The following TULP4 variants were observed in gnomAD, a reference collection of about 807,000 sequenced individuals.
The protein encoded by TULP4 is TUB like protein 4.
TULP4 carries 16 observed loss-of-function variants against 129.0 expected under a neutral mutation model. The ratio of observed to expected loss-of-function variants is 0.12; its 90% CI spans 0.08 to 0.19. The LOEUF (loss-of-function observed/expected upper bound fraction) is 0.19, where lower values mean the gene tolerates loss of function less well. Ranked by LOEUF, TULP4 falls within the 10% of genes least tolerant of loss-of-function variation. TULP4 has a pLI of 1.00. For synonymous variants in TULP4, 998 were observed against 854.0 expected (o/e 1.17, Z -2.94); for missense variants, 1,842 against 2,059.1 (o/e 0.89, Z 2.04).
chr6:158,461,095 T>C (rs1409380429), intron 5 of TULP4, among the ~76,000 whole-genome samples: 8 of 152,078 alleles, frequency 5.3e-5, no homozygotes, highest in Admixed American at 5.2e-4. Flanking sequence ...TTCAGAGAAA[T>C]TGGTTGTATT....
intron 1 of TULP4, among the ~76,000 whole-genome samples, chr6:158,343,134 C>T (rs536206379): frequency 6.6e-6 from 1 of 151,966 alleles, no homozygotes; most frequent in African/African-American, 2.4e-5. Flanking sequence ...GCTTGGAGCC[C>T]TGTGTGAGCG....
At chr6:158,422,221 G>A (rs341143) in intron 2 of TULP4, among the ~76,000 whole-genome samples, 41,982 of 152,018 alleles carry the variant, frequency 0.28, 6,447 homozygotes, top group Middle Eastern at 0.35. Context: ...AAAATAGACA[G>A]ATGTCTTGCA....
At chr6:158,251,447 T>G (rs1778137059) in intron 1 of TULP4, among the ~76,000 whole-genome samples, 1 of 146,898 alleles carries the variant, frequency 6.8e-6, no homozygotes, top group African/African-American at 2.4e-5. Context: ...GATTCTAACT[T>G]AGACTTAATA....
intron 1 of TULP4, among the ~76,000 whole-genome samples, chr6:158,348,259 G>A (rs1263544534): frequency 3.3e-5 from 5 of 150,214 alleles, no homozygotes; most frequent in Non-Finnish European, 4.4e-5. Flanking sequence ...TAATAGTGGA[G>A]AGAAGGTCAG....
intron 1 of TULP4, among the ~76,000 whole-genome samples, chr6:158,292,584 G>T (rs1049041005): frequency 1.3e-5 from 2 of 152,124 alleles, no homozygotes; most frequent in African/African-American, 4.8e-5. Flanking sequence ...TACTTCCTGA[G>T]AACGTCTTTT....
At chr6:158,457,627 G>A (rs550955473) in intron 5 of TULP4, among the ~76,000 whole-genome samples, 1 of 152,164 alleles carries the variant, frequency 6.6e-6, no homozygotes, top group African/African-American at 2.4e-5. Context: ...GCCCAAGCCA[G>A]TTCATCCCTC....
intron 1 of TULP4, among the ~76,000 whole-genome samples, chr6:158,255,258 T>C (rs1347863707): frequency 6.6e-6 from 1 of 152,176 alleles, no homozygotes; most frequent in Non-Finnish European, 1.5e-5. Flanking sequence ...GTACCCTAAA[T>C]TGATAACCGG....
intron 1 of TULP4, among the ~76,000 whole-genome samples, chr6:158,306,982 C>T (rs1366869665): frequency 6.6e-6 from 1 of 152,138 alleles, no homozygotes; most frequent in Non-Finnish European, 1.5e-5. Context: ...GATCACACCA[C>T]TGTACTCCAG....
rs35469800 is a variant in TULP4 at position 158,425,513 on chromosome 6, C to CAA, written c.382-4201_382-4200dup. Among the ~76,000 whole-genome samples the CAA allele has an allele frequency of 2.3e-3, 142 of 61,646 alleles. 1 individual carries two copies. The highest frequency in any genetic ancestry group is 9.7e-3 in the African/African-American group (112 of 11,498). The allele number at this position is 61,646 out of a possible 152,430, so 40.4% of individuals were successfully genotyped here. A position where few individuals can be genotyped will look rare whatever the true frequency, so the allele number is the denominator to read the frequency against. ...GGAAAAGAAGAGCAAAACTCCGTCT[C>CAA]AAAAAAAAAAAAAAAAAAAAAAATG... On this transcript the variant is annotated intron_variant, in intron 2 of 13. Coordinates refer to ENST00000367097, the MANE Select transcript of TULP4 (RefSeq NM_020245.5).
At chr6:158,357,076 G>GC (rs1780666655) in intron 1 of TULP4, among the ~76,000 whole-genome samples, 1 of 152,196 alleles carries the variant, frequency 6.6e-6, no homozygotes, top group Non-Finnish European at 1.5e-5. Flanking sequence ...TCTGCCCACA[G>GC]CCCCCAGGCC....
At chr6:158,343,769 C>G (rs1780240182) in intron 1 of TULP4, among the ~76,000 whole-genome samples, 1 of 152,198 alleles carries the variant, frequency 6.6e-6, no homozygotes, top group African/African-American at 2.4e-5. Flanking sequence ...AATGGCTCCT[C>G]ACTGATTTAA....
chr6:158,353,971 G>T (rs967267847), intron 1 of TULP4, among the ~76,000 whole-genome samples: 1 of 152,236 alleles, frequency 6.6e-6, no homozygotes, highest in African/African-American at 2.4e-5. Flanking sequence ...CAGCTGCAGT[G>T]GTTGCTGTGG....
At chr6:158,403,876 A>C (rs372836295) in intron 1 of TULP4, among the ~76,000 whole-genome samples, 2 of 152,206 alleles carry the variant, frequency 1.3e-5, no homozygotes, top group Non-Finnish European at 2.9e-5. Context: ...GCGTCTTTAC[A>C]TGTAAACTTA....
chr6:158,505,728 G>T (rs569945142), intron 13 of TULP4, among the ~76,000 whole-genome samples: 1 of 152,340 alleles, frequency 6.6e-6, no homozygotes, highest in Admixed American at 6.5e-5. Context: ...TGAGGCAGCG[G>T]TGTTGGACAG....
At chr6:158,331,745 G>GTATATATATATA (rs1562523255) in intron 1 of TULP4, among the ~76,000 whole-genome samples, 2 of 15,716 alleles carry the variant, frequency 1.3e-4, no homozygotes, top group Non-Finnish European at 2.2e-4. Flanking sequence ...ATATATATAC[G>GTATATATATATA]TGTATATACA....
chr6:158,434,425 A>G lies in TULP4; in HGVS notation c.543+4528A>G, dbSNP rs114157752. On this transcript the variant is annotated intron_variant, in intron 3 of 13. Transcript: ENST00000367097. ...CACAAAGAGAAAATGTCAAATAAAT[A>G]TAAGTATGACTGGGAAAAATATCTG... 5.0e-3 allele frequency among the ~76,000 whole-genome samples: 767 copies of G among 152,328 alleles called. 8 individuals carry two copies. Among genetic ancestry groups the G allele is most frequent in the African/African-American group, 0.017 (715 of 41,568 alleles).
At chr6:158,382,357 C>A (rs1172658700) in intron 1 of TULP4, among the ~76,000 whole-genome samples, 1 of 152,134 alleles carries the variant, frequency 6.6e-6, no homozygotes, top group African/African-American at 2.4e-5. Context: ...TACCCTGTGA[C>A]GTTAGGAAGA....
intron 13 of TULP4, 113 bp from the exon 14 acceptor site, chr6:158,506,462 ACGT>A: frequency 1.3e-6 from 1 of 748,144 alleles, no homozygotes; most frequent in East Asian, 2.6e-5. Flanking sequence ...CTATCTCCTG[ACGT>A]CGTGATCTGC....
chr6:158,483,224 A>G (rs942853085), intron 8 of TULP4, among the ~76,000 whole-genome samples: 1 of 152,200 alleles, frequency 6.6e-6, no homozygotes, highest in African/African-American at 2.4e-5. Flanking sequence ...AAAATAGAGG[A>G]TATGTCACAA....
Sources: gnomAD v4.1 joint callset for allele counts (sites outside exome capture counted in the v4.1 genomes callset) on GRCh38, gnomAD v4.1.1 for gene constraint, MANE v1.5 for transcripts, NCBI Gene and HGNC (gene_info 2026-07-23, HGNC 2026-07-21) for gene names.